The following KLHL1 variants were observed in gnomAD, a reference collection of about 807,000 sequenced individuals.
KLHL1 encodes the protein kelch like family member 1.
A neutral mutation model predicts 77.7 loss-of-function variants in KLHL1; 47 were observed. The ratio of observed to expected loss-of-function variants is 0.60; its 90% confidence interval spans 0.48 to 0.77. KLHL1 has a LOEUF of 0.77. Among genes scored for constraint, KLHL1 ranks in the 30% least tolerant of loss-of-function variants. The pLI, the probability that KLHL1 is intolerant of heterozygous loss-of-function variation, is 0.00. For missense variants in KLHL1, 925 were observed against 910.8 expected (o/e 1.02, Z -0.20); for synonymous variants, 360 against 325.2 (o/e 1.11, Z -1.15).
chr13:69,758,562 G>T (rs1874876282), intron 7 of KLHL1, among the ~76,000 whole-genome samples: 1 of 151,820 alleles, frequency 6.6e-6, no homozygotes, highest in Admixed American at 6.6e-5. Context: ...TCTTTATAAA[G>T]TCTGTATATA....
At chr13:69,832,023 C>T (rs1345822872) in intron 6 of KLHL1, among the ~76,000 whole-genome samples, 2 of 149,920 alleles carry the variant, frequency 1.3e-5, no homozygotes, top group Non-Finnish European at 3.0e-5. Flanking sequence ...AAAGCATTCC[C>T]CCTGAGAAGT....
chr13:69,784,926 G>C (rs1166561768), intron 7 of KLHL1, among the ~76,000 whole-genome samples: 1 of 111,988 alleles, frequency 8.9e-6, no homozygotes, highest in Non-Finnish European at 1.7e-5. Context: ...GTCTCGCTCT[G>C]TCGCCCAGGC....
intron 6 of KLHL1, among the ~76,000 whole-genome samples, chr13:69,814,608 AC>A (rs1878039882): frequency 6.6e-6 from 1 of 152,182 alleles, no homozygotes; most frequent in Non-Finnish European, 1.5e-5. Context: ...ATAGAAACAT[AC>A]ATGTGACCAA....
intron 7 of KLHL1, among the ~76,000 whole-genome samples, chr13:69,787,107 G>A (rs1254263893): frequency 1.3e-5 from 2 of 152,144 alleles, no homozygotes; most frequent in Non-Finnish European, 2.9e-5. Context: ...TAGATTCAAT[G>A]CCATCCCCAT....
intron 6 of KLHL1, among the ~76,000 whole-genome samples, chr13:69,825,958 A>C (rs1593865073): frequency 6.6e-6 from 1 of 150,978 alleles, no homozygotes; most frequent in East Asian, 2.0e-4. Context: ...CGTTTATACA[A>C]CATATTATGG....
At chr13:70,075,982 A>G (rs663789) in intron 1 of KLHL1, among the ~76,000 whole-genome samples, 107,767 of 150,744 alleles carry the variant, frequency 0.71, 38,685 homozygotes, top group East Asian at 0.88. Context: ...GAGGACAAAT[A>G]TCAAAGCTCT....
chr13:69,701,442 T>C lies in KLHL1; in HGVS notation c.*260A>G, dbSNP rs896895745. On this transcript the variant is annotated 3_prime_UTR_variant, in exon 11 of 11. Coordinates refer to ENST00000377844, the MANE Select transcript of KLHL1 (RefSeq NM_020866.3). ...GCCTTTGGTAACTCTAGTTATTGTATGCTATAATACAAAACAAATTACCAA... is the reference window on the plus strand; with the variant it reads ...GCCTTTGGTAACTCTAGTTATTGTACGCTATAATACAAAACAAATTACCAA... 3.0e-6 allele frequency: 1 copy of C among 336,924 alleles called. No homozygotes were observed. 20.9% of individuals were successfully genotyped at this position (336,924 alleles called of 1,614,324 possible).
At chr13:69,845,338 C>T (rs1257068026) in intron 5 of KLHL1, among the ~76,000 whole-genome samples, 1 of 151,562 alleles carries the variant, frequency 6.6e-6, no homozygotes, top group Non-Finnish European at 1.5e-5. Flanking sequence ...ATAATAGCTA[C>T]AAATAAATTG....
chr13:69,964,781 C>A (rs1884165184), intron 2 of KLHL1, among the ~76,000 whole-genome samples: 1 of 152,050 alleles, frequency 6.6e-6, no homozygotes, highest in Admixed American at 6.6e-5. Context: ...CTATCTTCTC[C>A]TATAAATATT....
intron 5 of KLHL1, among the ~76,000 whole-genome samples, chr13:69,867,000 C>T (rs1335185012): frequency 6.6e-6 from 1 of 151,912 alleles, no homozygotes. Flanking sequence ...AAATATTGGA[C>T]AATATTAACT....
chr13:69,700,881 G>A lies in KLHL1; in HGVS notation c.*821C>T, dbSNP rs972314793. 6.6e-6 allele frequency: 1 copy of A among 152,226 alleles called. No homozygotes were observed. The highest frequency in any genetic ancestry group is 2.4e-5 in the African/African-American group (1 of 41,396). The allele number at this position is 152,226 out of a possible 1,614,324, so 9.4% of individuals were successfully genotyped here. On this transcript the variant is annotated 3_prime_UTR_variant, in exon 11 of 11. Transcript: ENST00000377844. ...ATTCTAAAGGAGTTCAACATGCAAT[G>A]GATATATATATCATTCAGAATCACT...
chr13:69,854,892 C>T (rs575842753), intron 5 of KLHL1, among the ~76,000 whole-genome samples: 1 of 152,060 alleles, frequency 6.6e-6, no homozygotes, highest in East Asian at 1.9e-4. Context: ...AGTTTTTCAT[C>T]TCTCAAGTAC....
At chr13:70,042,311 G>GT (rs1886396364) in intron 1 of KLHL1, among the ~76,000 whole-genome samples, 1 of 152,082 alleles carries the variant, frequency 6.6e-6, no homozygotes, top group African/African-American at 2.4e-5. Flanking sequence ...GTGTGGGTGT[G>GT]TGTGTGTATT....
chr13:70,084,269 T>TA (rs1332179003), intron 1 of KLHL1, among the ~76,000 whole-genome samples: 2 of 152,080 alleles, frequency 1.3e-5, no homozygotes, highest in Non-Finnish European at 2.9e-5. Flanking sequence ...GCCTAGTATA[T>TA]ACTAAGTACT....
At chr13:69,819,641 A>G (rs1217728703) in intron 6 of KLHL1, among the ~76,000 whole-genome samples, 3 of 152,028 alleles carry the variant, frequency 2.0e-5, no homozygotes, top group African/African-American at 7.2e-5. Context: ...TGTAGAAATA[A>G]AAGAGGCTTT....
At chr13:69,736,411 G>T (rs142140914) in intron 8 of KLHL1, among the ~76,000 whole-genome samples, 174 of 152,234 alleles carry the variant, frequency 1.1e-3, no homozygotes, top group African/African-American at 4.1e-3. Context: ...CATGGATGTG[G>T]TGAAAAGGGA....
intron 2 of KLHL1, among the ~76,000 whole-genome samples, chr13:69,968,792 C>T (rs1884296125): frequency 6.6e-6 from 1 of 151,882 alleles, no homozygotes; most frequent in African/African-American, 2.4e-5. Flanking sequence ...TGTATATGCG[C>T]CACATTTTCT....
At chr13:69,707,063 T>C (rs1401047149) in intron 10 of KLHL1, among the ~76,000 whole-genome samples, 1 of 152,020 alleles carries the variant, frequency 6.6e-6, no homozygotes, top group Non-Finnish European at 1.5e-5. Flanking sequence ...ACTCACTACA[T>C]GACAGGCTAT....
At chr13:69,742,208 T>C (rs990415685) in intron 7 of KLHL1, among the ~76,000 whole-genome samples, 1 of 152,208 alleles carries the variant, frequency 6.6e-6, no homozygotes, top group African/African-American at 2.4e-5. Flanking sequence ...TAATTTATAA[T>C]GGACAATAAA....
Sources: allele counts gnomAD v4.1 joint callset (sites outside exome capture counted in the v4.1 genomes callset), GRCh38; gene constraint gnomAD v4.1.1; transcripts MANE v1.5; gene names NCBI Gene and HGNC (gene_info 2026-07-23, HGNC 2026-07-21).